Variants in HOXC4 observed in about 807,000 individuals in gnomAD.
HOXC4 encodes homeobox C4, also known as homeobox protein Hox-C4.
A neutral mutation model predicts 25.5 loss-of-function variants in HOXC4; 15 were observed. That is an observed-to-expected ratio of 0.59 (90% CI 0.39 to 0.91). The LOEUF (loss-of-function observed/expected upper bound fraction) is 0.91, where lower values mean the gene tolerates loss of function less well. Ranked by LOEUF, HOXC4 falls within the 40% of genes least tolerant of loss-of-function variation. HOXC4 has a pLI of 0.00. For synonymous variants in HOXC4, 165 were observed against 148.0 expected (o/e 1.11, Z -0.83); for missense variants, 342 against 352.4 (o/e 0.97, Z 0.24).
chr12:54,018,801 G>T (rs1288407068), intron 1 of HOXC4, among the ~76,000 whole-genome samples: 1 of 152,054 alleles, frequency 6.6e-6, no homozygotes. Context: ...GAGAACCTGG[G>T]GGCCAGACTT....
At chr12:54,034,189 C>A in intron 1 of HOXC4, 1 of 1,265,768 alleles carries the variant, frequency 7.9e-7, no homozygotes, top group Non-Finnish European at 1.1e-6. Flanking sequence ...TCCCTCCGGC[C>A]GCGGGTGGGG....
At chr12:54,035,022 A>G (rs1201956203) in intron 1 of HOXC4, 3 of 164,082 alleles carry the variant, frequency 1.8e-5, no homozygotes, top group African/African-American at 7.2e-5. Flanking sequence ...TGATTTGCAT[A>G]TGAAAGGAGA....
At chr12:54,030,472 C>T (rs1249077) in intron 1 of HOXC4, 16,110 of 152,982 alleles carry the variant, frequency 0.11, 1,169 homozygotes, top group Non-Finnish European at 0.17. Context: ...CCTGCCTAGC[C>T]CCTCTGCCCC....
chr12:54,018,884 G>A (rs1325523626), intron 1 of HOXC4, among the ~76,000 whole-genome samples: 8 of 152,296 alleles, frequency 5.3e-5, no homozygotes, highest in Admixed American at 2.0e-4. Context: ...TCTGCGCCAA[G>A]TCCCAGTGGG....
chr12:54,033,751 A>G (rs930527857), intron 1 of HOXC4, among the ~76,000 whole-genome samples: 1 of 152,236 alleles, frequency 6.6e-6, no homozygotes, highest in Non-Finnish European at 1.5e-5. Context: ...TTACGACGAC[A>G]TAATTGGATC....
chr12:54,053,674 T>G (rs1183961834), upstream of HOXC4, among the ~76,000 whole-genome samples: 1 of 152,130 alleles, frequency 6.6e-6, no homozygotes. Context: ...CACTCCAACC[T>G]CTGCTAGCTA....
chr12:54,054,088 C>A lies in HOXC4; in HGVS notation c.166C>A (p.Pro56Thr), dbSNP rs756734202. 12 of 1,614,250 alleles carry A rather than the reference C, an allele frequency of 7.4e-6. No homozygotes were observed. The highest frequency in any genetic ancestry group is 8.5e-6 in the Non-Finnish European group (10 of 1,180,036). The change falls in exon 1 of 2, where the codon CCG (proline) becomes ACG (threonine). Residue 56 changes from proline (P) to threonine (T), a missense_variant. Transcript: ENST00000430889. ...QHHHQELYPP[P>T]PPRPSYPERQ... Reference sequence around the variant, plus strand: ...TCACCACCAGGAGCTGTACCCACCACCGCCTCCGCGCCCTAGCTACCCTGA... The same window carrying A: ...TCACCACCAGGAGCTGTACCCACCAACGCCTCCGCGCCCTAGCTACCCTGA...
chr12:54,022,395 G>A (rs1940491902), intron 1 of HOXC4: 1 of 152,072 alleles, frequency 6.6e-6, no homozygotes, highest in Non-Finnish European at 1.5e-5. Flanking sequence ...ATCCTGCCAG[G>A]TGTAGAGTCA....
chr12:54,034,514 G>C (rs779980223), intron 1 of HOXC4: 10 of 1,598,740 alleles, frequency 6.3e-6, no homozygotes, highest in Non-Finnish European at 8.6e-6. Flanking sequence ...GAGGCCCGCA[G>C]AGCGCGCCCC....
intron 1 of HOXC4, chr12:54,029,910 G>A (rs758850699): frequency 8.1e-6 from 13 of 1,607,486 alleles, no homozygotes; most frequent in African/African-American, 1.3e-5. Flanking sequence ...GACAGCCTGG[G>A]CGGAAAAGAG....
At chr12:54,020,689 C>G (rs555381316) in intron 1 of HOXC4, 1 of 151,404 alleles carries the variant, frequency 6.6e-6, no homozygotes. Context: ...TTAGTCCTCA[C>G]TAGATGAGAG....
At chr12:54,023,474 C>T (rs959553978) in intron 1 of HOXC4, among the ~76,000 whole-genome samples, 2 of 152,142 alleles carry the variant, frequency 1.3e-5, no homozygotes, top group African/African-American at 4.8e-5. Flanking sequence ...CCTTTCTTCT[C>T]CGTTTAATTG....
chr12:54,034,258 G>T, intron 1 of HOXC4: 1 of 1,605,852 alleles, frequency 6.2e-7, no homozygotes, highest in South Asian at 1.1e-5. Context: ...TCCTGGCTTG[G>T]GGTGGGGTTT....
At chr12:54,050,660 A>G (rs1028468131), upstream of HOXC4, among the ~76,000 whole-genome samples, 1 of 150,520 alleles carries the variant, frequency 6.6e-6, no homozygotes, top group African/African-American at 2.5e-5. Context: ...TGTGTGTGGT[A>G]TTTTACCCAT....
intron 1 of HOXC4, among the ~76,000 whole-genome samples, chr12:54,042,440 G>T (rs1327346041): frequency 2.0e-5 from 3 of 152,170 alleles, no homozygotes; most frequent in African/African-American, 7.2e-5. Flanking sequence ...GGGGGAGATT[G>T]GTTCTATCCA....
At chr12:54,033,662 G>A in intron 1 of HOXC4, 2 of 1,219,914 alleles carry the variant, frequency 1.6e-6, no homozygotes, top group Non-Finnish European at 2.2e-6. Context: ...AAAACCTGCG[G>A]CCATAAATTT....
At chr12:54,053,606 G>A (rs370717685), upstream of HOXC4, among the ~76,000 whole-genome samples, 17 of 152,324 alleles carry the variant, frequency 1.1e-4, no homozygotes, top group East Asian at 9.6e-4. Flanking sequence ...GGAGCCGGGA[G>A]CTTCCCATCT....
In HOXC4 at chr12:54,054,225, G is replaced by T. The variant is rs774331291; in HGVS notation, c.303G>T (p.Ala101=). ...PEKSQSLCEP[A]PLSGASASPS... The stretch of plus-strand genomic sequence containing the variant: ...AATCACAGTCGCTCTGCGAGCCGGC[G>T]CCTCTCTCAGGCGCCTCCGCCTCCC... Residue 101 remains alanine, a synonymous_variant, in exon 1 of 2, where the codon GCG becomes GCT. Coordinates refer to ENST00000430889, the MANE Select transcript of HOXC4 (RefSeq NM_153633.3). 2 of 1,611,498 alleles carry T rather than the reference G, an allele frequency of 1.2e-6. No individual in the cohort carries two copies. The highest frequency in any genetic ancestry group is 3.3e-5 in the Admixed American group (2 of 59,856).
intron 1 of HOXC4, among the ~76,000 whole-genome samples, chr12:54,019,628 A>G (rs956544739): frequency 3.3e-5 from 5 of 152,044 alleles, no homozygotes; most frequent in Non-Finnish European, 7.4e-5. Flanking sequence ...AGAGAAGGCC[A>G]TTCAGGCCAG....
Sources: gnomAD v4.1 joint callset for allele counts (sites outside exome capture counted in the v4.1 genomes callset) on GRCh38, gnomAD v4.1.1 for gene constraint, MANE v1.5 for transcripts, NCBI Gene and HGNC (gene_info 2026-07-23, HGNC 2026-07-21) for gene names.